VPS13C: variants seen among roughly 807,000 people sequenced by gnomAD.
VPS13C encodes the protein intermembrane lipid transfer protein VPS13C.
VPS13C carries 358 observed loss-of-function variants against 456.8 expected under a neutral mutation model. The observed-to-expected ratio is 0.78, with a 90% confidence interval of 0.72 to 0.86. VPS13C has a LOEUF of 0.86. VPS13C is among the 40% of genes least tolerant of loss of function. VPS13C has a pLI of 0.00. For missense variants in VPS13C, 4,818 were observed against 4,385.4 expected, an observed-to-expected ratio of 1.10 and a Z score of -2.79; for synonymous variants, 1,578 against 1,486.7, an observed-to-expected ratio of 1.06 and a Z score of -1.41.
At position 62,028,414 on chromosome 15, in the gene VPS13C, T is replaced by C. The variant is rs200672130; in HGVS notation, c.392A>G (p.His131Arg). The change falls in exon 6 of 85, where the codon CAT (histidine) becomes CGT (arginine). Residue 131 changes from histidine (H) to arginine (R), a missense_variant. By Grantham distance (29) the His-to-Arg change is conservative. Transcript: ENST00000644861. ...ALQKAAEKGT[H>R]SGEFIYGLEN... ...CAAGCCATATATGAACTCCCCTGAATGTGTGCCTGCATCCCACATGGCAGC... is the reference window on the plus strand; with the variant it reads ...CAAGCCATATATGAACTCCCCTGAACGTGTGCCTGCATCCCACATGGCAGC... The C allele has an allele frequency of 5.6e-5, 90 of 1,612,998 alleles. No individual in the cohort carries two copies. In the East Asian group the frequency reaches 1.8e-3, roughly 32 times the overall value.
At chr15:62,060,002 G>A (rs1216190264) in intron 1 of VPS13C, among the ~76,000 whole-genome samples, 1 of 152,254 alleles carries the variant, frequency 6.6e-6, no homozygotes, top group Non-Finnish European at 1.5e-5. Context: ...CGGGCAGGGC[G>A]GGGACAGCAG....
At chr15:61,869,430 T>C (rs1894849395) in intron 80 of VPS13C, 70 bp downstream of exon 80, 1 of 1,533,696 alleles carries the variant, frequency 6.5e-7, no homozygotes, top group Non-Finnish European at 8.9e-7. Flanking sequence ...AATAATCTAA[T>C]CTATTTATGT....
chr15:61,877,912 A>G (rs1194873412), intron 74 of VPS13C, among the ~76,000 whole-genome samples: 1 of 151,846 alleles, frequency 6.6e-6, no homozygotes, highest in Non-Finnish European at 1.5e-5. Flanking sequence ...TTTCTTCTCA[A>G]TGTTTAATAT....
intron 23 of VPS13C, among the ~76,000 whole-genome samples, chr15:61,977,746 T>C (rs1162774158): frequency 2.0e-5 from 3 of 152,074 alleles, no homozygotes; most frequent in Non-Finnish European, 4.4e-5. Context: ...TAGAGTTCTA[T>C]GTTTATTGAT....
intron 9 of VPS13C, among the ~76,000 whole-genome samples, chr15:62,016,504 G>C: frequency 7.0e-6 from 1 of 143,320 alleles, no homozygotes; most frequent in East Asian, 2.1e-4. Flanking sequence ...TCCCACCTAT[G>C]AGTGAGAACA....
chr15:61,894,176 C>T (rs1030857904), intron 66 of VPS13C, among the ~76,000 whole-genome samples: 3 of 151,858 alleles, frequency 2.0e-5, no homozygotes, highest in African/African-American at 2.4e-5. Context: ...GGCGTGGTGG[C>T]GTATGCCTGT....
chr15:62,017,136 G>T (rs1567114701), intron 9 of VPS13C, among the ~76,000 whole-genome samples: 1 of 152,090 alleles, frequency 6.6e-6, no homozygotes, highest in Non-Finnish European at 1.5e-5. Context: ...TGATGGGGTT[G>T]TTTTTTTCTT....
chr15:61,975,169 T>C (rs1346063750), intron 24 of VPS13C, among the ~76,000 whole-genome samples: 1 of 152,066 alleles, frequency 6.6e-6, no homozygotes, highest in Admixed American at 6.6e-5. Flanking sequence ...ATGCCTATAT[T>C]GGAAAAAAAC....
intron 67 of VPS13C, among the ~76,000 whole-genome samples, chr15:61,886,496 A>G (rs12439719): frequency 0.21 from 31,430 of 152,086 alleles, 3,633 homozygotes; most frequent in Non-Finnish European, 0.26. Flanking sequence ...TATCAGTAAA[A>G]TAAAAAATGC....
chr15:62,045,229 G>A (rs1040162776), intron 1 of VPS13C, among the ~76,000 whole-genome samples: 7 of 152,164 alleles, frequency 4.6e-5, no homozygotes, highest in South Asian at 2.1e-4. Flanking sequence ...AGGCACTCAC[G>A]GCTTAGCAGA....
chr15:61,917,179 T>C (rs968320577), intron 60 of VPS13C, among the ~76,000 whole-genome samples, 162 bp downstream of exon 60: 2 of 152,188 alleles, frequency 1.3e-5, no homozygotes, highest in Non-Finnish European at 2.9e-5. Flanking sequence ...TCCTGGCACA[T>C]AGTAAATGTT....
In VPS13C at chr15:61,856,408, G is replaced by A. The variant is rs138846118; in HGVS notation, c.10954C>T (p.Arg3652Ter). The part of the protein sequence containing the change: ...KKTILMVTNR[R>*]VLCIKEVEIL... ...TCAACTTCCTTTATACACAACACTC[G>A]CCTATTTTGCAAAAGAAAACAAAAA... Residue 3652 changes from arginine to a stop codon, truncating the protein, a stop_gained and splice_region_variant, in exon 83 of 85, where the codon CGA becomes TGA. Transcript: ENST00000644861. LOFTEE classifies it high-confidence loss of function. The A allele has an allele frequency of 4.4e-4, 710 of 1,608,594 alleles. No homozygotes were observed. Among genetic ancestry groups the A allele is most frequent in the Non-Finnish European group, 5.6e-4 (660 of 1,178,164 alleles).
intron 60 of VPS13C, among the ~76,000 whole-genome samples, chr15:61,916,257 C>T (rs2043469141): frequency 6.6e-6 from 1 of 152,090 alleles, no homozygotes; most frequent in Non-Finnish European, 1.5e-5. Flanking sequence ...TAATAGCCAT[C>T]AGTTTTGTGA....
intron 81 of VPS13C, chr15:61,866,642 A>G (rs1894615169): frequency 1.0e-6 from 1 of 985,056 alleles, no homozygotes; most frequent in Non-Finnish European, 1.2e-6. Context: ...TAAATTATCT[A>G]GGCACAAGAA....
At chr15:61,949,335 G>C (rs2062928569) in intron 42 of VPS13C, 108 bp downstream of exon 42, 7 of 1,292,132 alleles carry the variant, frequency 5.4e-6, no homozygotes, top group Admixed American at 2.3e-5. Flanking sequence ...TAACCTATCA[G>C]AGCAGCAATG....
At chr15:61,895,646 TG>T (rs140704227) in intron 66 of VPS13C, among the ~76,000 whole-genome samples, 1,793 of 152,168 alleles carry the variant, frequency 0.012, 40 homozygotes, top group African/African-American at 0.041. Context: ...TAACGAACCC[TG>T]GAAGAAACAG....
At chr15:62,005,031 T>G (rs1035540700) in intron 15 of VPS13C, among the ~76,000 whole-genome samples, 1 of 151,894 alleles carries the variant, frequency 6.6e-6, no homozygotes, top group African/African-American at 2.4e-5. Context: ...TAGATGTCTA[T>G]TAGGTCCGCT....
chr15:61,911,757 A>G, intron 63 of VPS13C, 83 bp downstream of exon 63: 7 of 1,200,396 alleles, frequency 5.8e-6, no homozygotes, highest in Non-Finnish European at 7.6e-6. Context: ...ATAGTCTGAA[A>G]AAGAGGTATA....
chr15:61,925,959 A>G (rs1214594582), intron 52 of VPS13C, among the ~76,000 whole-genome samples: 1 of 152,268 alleles, frequency 6.6e-6, no homozygotes, highest in African/African-American at 2.4e-5. Flanking sequence ...GTCAGTCTGA[A>G]ATATCATGTA....
Sources: allele counts gnomAD v4.1 joint callset (sites outside exome capture counted in the v4.1 genomes callset), GRCh38; gene constraint gnomAD v4.1.1; transcripts MANE v1.5; gene names NCBI Gene and HGNC (gene_info 2026-07-23, HGNC 2026-07-21).